FGD4: variants seen among roughly 807,000 people sequenced by gnomAD.
The protein encoded by FGD4 is FYVE, RhoGEF and PH domain-containing protein 4.
FGD4 carries 42 observed loss-of-function variants against 102.0 expected under a neutral mutation model. That is an observed-to-expected ratio of 0.41 (90% confidence interval 0.32 to 0.53). The LOEUF is 0.53. FGD4 is among the 20% of genes least tolerant of loss of function. FGD4 has a pLI of 0.21. For synonymous variants in FGD4, 380 were observed against 375.7 expected (o/e 1.01, Z -0.13); for missense variants, 902 against 1,078.2 (o/e 0.84, Z 2.29).
chr12:32,411,030 C>T (rs1941185475), intron 1 of FGD4, among the ~76,000 whole-genome samples: 1 of 150,530 alleles, frequency 6.6e-6, no homozygotes, highest in Non-Finnish European at 1.5e-5. Flanking sequence ...TCCCAGGTTC[C>T]AGCGATTCTC....
intron 1 of FGD4, among the ~76,000 whole-genome samples, chr12:32,552,294 C>T (rs1232391555): frequency 6.6e-6 from 1 of 152,238 alleles, no homozygotes; most frequent in Admixed American, 6.5e-5. Context: ...GAGTCTCACA[C>T]TGTCGCCCAG....
chr12:32,640,130 A>G, intron 16 of FGD4, 146 bp from the exon 17 acceptor site: 2 of 1,195,964 alleles, frequency 1.7e-6, no homozygotes, highest in Non-Finnish European at 2.4e-6. Context: ...TGTACTAAGC[A>G]ATGGGATTGC....
intron 5 of FGD4, among the ~76,000 whole-genome samples, chr12:32,599,383 AC>A (rs1387764366): frequency 7.2e-6 from 1 of 138,410 alleles, no homozygotes. Context: ...AGTCCCAGCT[AC>A]TCGGGAGGCT....
At chr12:32,516,997 AGCATAGTTAGTG>A (rs1223798429) in intron 1 of FGD4, among the ~76,000 whole-genome samples, 2 of 152,230 alleles carry the variant, frequency 1.3e-5, no homozygotes, top group African/African-American at 4.8e-5. Context: ...TTTCAGGTCT[AGCATAGTTAGTG>A]GGTACCCAAA....
chr12:32,454,095 A>G lies in FGD4; in HGVS notation c.166+54136A>G, dbSNP rs1262013647. Among the ~76,000 whole-genome samples, 6 of 152,188 alleles carry G rather than the reference A, an allele frequency of 3.9e-5. No individual in the cohort carries two copies. The East Asian group carries it at 1.2e-3, about 29-fold the overall frequency. Reference sequence around the variant, plus strand: ...TAAAAAAAAAAAGGTTTATTTCCTAACCTGGTAGCCAGTTATTAAATTCCT... The same window carrying G: ...TAAAAAAAAAAAGGTTTATTTCCTAGCCTGGTAGCCAGTTATTAAATTCCT... On this transcript the variant is annotated intron_variant, in intron 1 of 16. Transcript: ENST00000534526.
chr12:32,564,026 AGGGAGG>A (rs1250737432), intron 1 of FGD4, 105 bp from the exon 2 acceptor site: 61 of 773,758 alleles, frequency 7.9e-5, no homozygotes, highest in African/African-American at 2.8e-4. Flanking sequence ...GGAGAGGGAG[AGGGAGG>A]GGGAGGGGGA....
At position 32,550,670 on chromosome 12, in the gene FGD4, C is replaced by CAAA. The variant is rs71447606; in HGVS notation, c.167-13448_167-13446dup. On this transcript the variant is annotated intron_variant, in intron 1 of 16. Transcript: ENST00000534526. ...TGGGCGACAGAGCAAGACACTGTCT[C>CAAA]AAAAAAAAAAAAAAAAAAAAAGAAA... Among the ~76,000 whole-genome samples, 446 of 89,016 alleles carry CAAA rather than the reference C, an allele frequency of 5.0e-3. 10 individuals carry two copies. Among genetic ancestry groups the CAAA allele is most frequent in the African/African-American group, 0.016 (372 of 23,266 alleles). The allele number at this position is 89,016 out of a possible 152,430, so 58.4% of individuals were successfully genotyped here.
chr12:32,447,214 ATAGG>A (rs1347756386), intron 1 of FGD4, among the ~76,000 whole-genome samples: 1 of 152,200 alleles, frequency 6.6e-6, no homozygotes, highest in Non-Finnish European at 1.5e-5. Context: ...CCACTATTTT[ATAGG>A]TAGTCACCCA....
intron 14 of FGD4, among the ~76,000 whole-genome samples, chr12:32,632,890 G>A (rs12300443): frequency 0.1 from 15,479 of 151,598 alleles, 901 homozygotes; most frequent in Middle Eastern, 0.19. Context: ...TTAAGAGGGT[G>A]TCACTCCACT....
chr12:32,596,509 T>C (rs1316518565), intron 4 of FGD4, among the ~76,000 whole-genome samples: 1 of 152,212 alleles, frequency 6.6e-6, no homozygotes, highest in Admixed American at 6.5e-5. Context: ...GTATGGATTT[T>C]GTCCTGTCAG....
chr12:32,541,581 G>A (rs529445772), intron 1 of FGD4, among the ~76,000 whole-genome samples: 3 of 152,072 alleles, frequency 2.0e-5, no homozygotes, highest in Non-Finnish European at 4.4e-5. Context: ...GGCCAGGCTG[G>A]TGTCAATCTC....
At chr12:32,587,851 T>G (rs1947173721) in intron 4 of FGD4, among the ~76,000 whole-genome samples, 1 of 152,190 alleles carries the variant, frequency 6.6e-6, no homozygotes, top group Admixed American at 6.5e-5. Flanking sequence ...CTGCAAAACA[T>G]CCATTTGGAG....
At chr12:32,633,130 G>T (rs949522892) in intron 14 of FGD4, among the ~76,000 whole-genome samples, 1 of 152,026 alleles carries the variant, frequency 6.6e-6, no homozygotes, top group Non-Finnish European at 1.5e-5. Flanking sequence ...AGGTTCTGGG[G>T]ATGACTCCTA....
At chr12:32,585,724 C>T (rs1946970616) in intron 4 of FGD4, among the ~76,000 whole-genome samples, 1 of 149,922 alleles carries the variant, frequency 6.7e-6, no homozygotes, top group African/African-American at 2.5e-5. Flanking sequence ...GTCCCAGCTA[C>T]TCGGGAGGCT....
At chr12:32,562,625 T>G (rs752386321) in intron 1 of FGD4, among the ~76,000 whole-genome samples, 3 of 152,194 alleles carry the variant, frequency 2.0e-5, no homozygotes, top group Non-Finnish European at 4.4e-5. Flanking sequence ...TTAACGAGCA[T>G]GCTGCCTTCA....
Position 32,582,474 on chromosome 12 carries a change from C to G in FGD4, c.1011+7C>G. On this transcript the variant is annotated splice_region_variant and intron_variant, in intron 4 of 16. Transcript: ENST00000534526. ...CCAGCACCATGAGATGAAGGTAGAG[C>G]ATGAGACTAGCTCATGAGCAGGGAA... 1 of 1,608,152 alleles carries G rather than the reference C, an allele frequency of 6.2e-7. No individual in the cohort carries two copies. The highest frequency in any genetic ancestry group is 8.5e-7 in the Non-Finnish European group (1 of 1,179,984).
rs1279056862 is a variant in FGD4 at position 32,611,033 on chromosome 12, C to A, written c.1603-104C>A. 2.1e-6 allele frequency: 3 copies of A among 1,410,942 alleles called. No individual in the cohort carries two copies. The African/African-American group carries it at 4.3e-5, about 20-fold the overall frequency. 87.4% of individuals were successfully genotyped at this position (1,410,942 alleles called of 1,614,324 possible). On this transcript the variant is annotated intron_variant, in intron 9 of 16. Coordinates refer to ENST00000534526, the MANE Select transcript of FGD4 (RefSeq NM_001370298.3). Reference sequence around the variant, plus strand: ...GAATTTATATTAAAATGTATGCTTACTCCTAATCCCTTCTAAATTTAGATT... The same window carrying A: ...GAATTTATATTAAAATGTATGCTTAATCCTAATCCCTTCTAAATTTAGATT...
At chr12:32,449,505 T>G (rs990503571) in intron 1 of FGD4, among the ~76,000 whole-genome samples, 1 of 152,228 alleles carries the variant, frequency 6.6e-6, no homozygotes, top group African/African-American at 2.4e-5. Flanking sequence ...ATCTGAGGTT[T>G]CCTTGTGATT....
chr12:32,636,178 A>G (rs2137049371), intron 15 of FGD4, among the ~76,000 whole-genome samples: 1 of 152,248 alleles, frequency 6.6e-6, no homozygotes, highest in South Asian at 2.1e-4. Flanking sequence ...CATGGGCCAT[A>G]CAAAAACAAC....
Sources: gnomAD v4.1 joint callset for allele counts (sites outside exome capture counted in the v4.1 genomes callset) on GRCh38, gnomAD v4.1.1 for gene constraint, MANE v1.5 for transcripts, NCBI Gene and HGNC (gene_info 2026-07-23, HGNC 2026-07-21) for gene names.